Variants in ASTN2 observed in about 807,000 individuals in gnomAD.
The protein encoded by ASTN2 is astrotactin 2, also known as astrotactin-2.
A neutral mutation model predicts 139.8 loss-of-function variants in ASTN2; 54 were observed. That is an observed-to-expected ratio of 0.39 (90% CI 0.31 to 0.48). The LOEUF is 0.48. Among genes scored for constraint, ASTN2 ranks in the 20% least tolerant of loss-of-function variants. ASTN2 has a pLI of 0.95. For missense variants in ASTN2, 1,565 were observed against 1,725.1 expected (o/e 0.91, Z 1.64); for synonymous variants, 756 against 719.5 (o/e 1.05, Z -0.81).
intron 22 of ASTN2, among the ~76,000 whole-genome samples, chr9:116,435,176 T>A (rs891785574): frequency 6.6e-6 from 1 of 152,152 alleles, no homozygotes; most frequent in African/African-American, 2.4e-5. Context: ...TGGAAGAGAC[T>A]TTGGAGTTCA....
chr9:116,609,181 A>T (rs60682864), intron 19 of ASTN2, among the ~76,000 whole-genome samples: 5 of 151,676 alleles, frequency 3.3e-5, no homozygotes, highest in Non-Finnish European at 7.4e-5. Context: ...ATGTCCAAAA[A>T]TTTTCCAAAT....
intron 4 of ASTN2, among the ~76,000 whole-genome samples, chr9:117,134,285 TATATATATATACACACACACACAC>T (rs1307932227): frequency 2.6e-5 from 2 of 76,024 alleles, no homozygotes; most frequent in Non-Finnish European, 5.6e-5. Flanking sequence ...TATATATATA[TATATATATATACACACACACACAC>T]ACACACACAC....
chr9:116,673,266 A>G (rs1160617474), intron 16 of ASTN2, among the ~76,000 whole-genome samples: 1 of 152,106 alleles, frequency 6.6e-6, no homozygotes, highest in Non-Finnish European at 1.5e-5. Flanking sequence ...GGTTTTGTCC[A>G]ATTCTTTGTT....
intron 17 of ASTN2, among the ~76,000 whole-genome samples, chr9:116,640,757 G>C (rs764654742): frequency 6.6e-6 from 1 of 152,236 alleles, no homozygotes; most frequent in Non-Finnish European, 1.5e-5. Context: ...TTTTAATCAC[G>C]AAAGTGATGT....
chr9:117,098,490 A>G (rs1264670558), intron 4 of ASTN2, among the ~76,000 whole-genome samples: 2 of 152,146 alleles, frequency 1.3e-5, no homozygotes, highest in Non-Finnish European at 2.9e-5. Flanking sequence ...TGAGTGGGAA[A>G]GTACAAAGGA....
intron 1 of ASTN2, among the ~76,000 whole-genome samples, chr9:117,325,611 C>T (rs1828488498): frequency 6.6e-6 from 1 of 152,110 alleles, no homozygotes. Flanking sequence ...TGCTGTGTGT[C>T]CTCACGGAGA....
At chr9:116,436,971 A>C (rs1053847274) in intron 22 of ASTN2, among the ~76,000 whole-genome samples, 2 of 151,134 alleles carry the variant, frequency 1.3e-5, no homozygotes, top group African/African-American at 2.4e-5. Context: ...AAAAAACCAA[A>C]CACCACATAT....
rs183034300 is a variant in ASTN2, at chr9:117,202,121, G to T, written c.1015+12237C>A. Among the ~76,000 whole-genome samples, 358 of 152,146 alleles carry T rather than the reference G, an allele frequency of 2.4e-3. 2 individuals carry two copies. Among genetic ancestry groups the T allele is most frequent in the African/African-American group, 8.3e-3 (344 of 41,526 alleles). On this transcript the variant is annotated intron_variant, in intron 3 of 22. Transcript: ENST00000313400. ...CCCTTCCTTGTCTTTTTTGATCTTT[G>T]TTGGTTTAAAGTCTGTTTTGTCAGA...
intron 5 of ASTN2, among the ~76,000 whole-genome samples, chr9:117,046,285 G>A (rs924152988): frequency 1.3e-5 from 2 of 152,110 alleles, no homozygotes; most frequent in African/African-American, 4.8e-5. Context: ...ATAGGCATGA[G>A]CCACCGTGCC....
At chr9:117,023,476 C>T (rs1837954690) in intron 6 of ASTN2, among the ~76,000 whole-genome samples, 1 of 152,126 alleles carries the variant, frequency 6.6e-6, no homozygotes, top group Admixed American at 6.5e-5. Context: ...TCTATCCCAA[C>T]TCTCCTCTAT....
At chr9:117,300,402 A>C in intron 1 of ASTN2, among the ~76,000 whole-genome samples, 1 of 152,206 alleles carries the variant, frequency 6.6e-6, no homozygotes. Context: ...GGTGTGCAAT[A>C]AATATTTGTC....
intron 16 of ASTN2, among the ~76,000 whole-genome samples, chr9:116,684,317 C>G (rs1860067153): frequency 6.6e-6 from 1 of 152,088 alleles, no homozygotes; most frequent in Admixed American, 6.5e-5. Context: ...GTAAACAAAT[C>G]AGTTCTATCA....
At chr9:116,759,725 T>C (rs549136275) in intron 13 of ASTN2, among the ~76,000 whole-genome samples, 6 of 152,198 alleles carry the variant, frequency 3.9e-5, no homozygotes, top group Non-Finnish European at 7.3e-5. Flanking sequence ...TTATATCACT[T>C]ATAACCACTG....
At chr9:117,261,106 CAG>C (rs1224924800) in intron 2 of ASTN2, among the ~76,000 whole-genome samples, 2 of 152,088 alleles carry the variant, frequency 1.3e-5, no homozygotes, top group African/African-American at 4.8e-5. Context: ...ACACTAAAGA[CAG>C]AGCAGTGAGC....
chr9:116,539,359 G>A (rs918648392), intron 19 of ASTN2, among the ~76,000 whole-genome samples: 2 of 149,334 alleles, frequency 1.3e-5, no homozygotes, highest in Non-Finnish European at 3.0e-5. Context: ...TTGCAATGAA[G>A]CTATTAAAAA....
chr9:117,320,538 G>T (rs1828293988), intron 1 of ASTN2, among the ~76,000 whole-genome samples: 1 of 152,144 alleles, frequency 6.6e-6, no homozygotes, highest in African/African-American at 2.4e-5. Context: ...GAGAGGTTAA[G>T]TAACTTTCCA....
Position 117,367,713 on chromosome 9 carries a change from A to G in ASTN2, c.442+46784T>C, listed in dbSNP as rs189299973. Among the ~76,000 whole-genome samples the G allele has an allele frequency of 1.7e-4, 26 of 152,150 alleles. No homozygotes were observed. The East Asian group carries it at 3.5e-3, about 20-fold the overall frequency. ...TGCTTTCTAAACTCTTGTAATTATT[A>G]TGTGACTTAATCAGGTTTGCAGAGA... On this transcript the variant is annotated intron_variant, in intron 1 of 22. Coordinates refer to ENST00000313400, the MANE Select transcript of ASTN2 (RefSeq NM_001365068.1).
chr9:116,655,766 C>T (rs915493246), intron 16 of ASTN2, among the ~76,000 whole-genome samples: 1 of 152,206 alleles, frequency 6.6e-6, no homozygotes, highest in African/African-American at 2.4e-5. Context: ...TCTCAGCTCA[C>T]TGAAATCTCT....
intron 3 of ASTN2, among the ~76,000 whole-genome samples, chr9:117,205,018 G>A (rs1008684204): frequency 1.3e-5 from 2 of 152,286 alleles, no homozygotes; most frequent in Non-Finnish European, 1.5e-5. Flanking sequence ...GCACTGTGCT[G>A]GGCATTGCAG....
Sources: gnomAD v4.1 joint callset for allele counts (sites outside exome capture counted in the v4.1 genomes callset) on GRCh38, gnomAD v4.1.1 for gene constraint, MANE v1.5 for transcripts, NCBI Gene and HGNC (gene_info 2026-07-23, HGNC 2026-07-21) for gene names.